MAP3K2: variants seen among roughly 807,000 people sequenced by gnomAD.
MAP3K2 encodes the protein mitogen-activated protein kinase kinase kinase 2, also known as MAP/ERK kinase kinase 2.
MAP3K2 carries 24 observed loss-of-function variants against 80.3 expected under a neutral mutation model. The observed-to-expected ratio is 0.30, with a 90% CI of 0.22 to 0.42. The LOEUF (loss-of-function observed/expected upper bound fraction) is 0.42, where lower values mean the gene tolerates loss of function less well. Ranked by LOEUF, MAP3K2 falls within the 10% of genes least tolerant of loss-of-function variation. The pLI, the probability that MAP3K2 is intolerant of heterozygous loss-of-function variation, is 1.00. For synonymous variants in MAP3K2, 244 were observed against 253.7 expected (o/e 0.96, Z 0.36); for missense variants, 608 against 750.1 (o/e 0.81, Z 2.21).
rs1341757463 is a variant in MAP3K2, at chr2:127,310,701, T to C, written c.1457-1939A>G. Among the ~76,000 whole-genome samples the C allele has an allele frequency of 6.6e-6, 1 of 152,084 alleles. No homozygotes were observed. Among genetic ancestry groups the C allele is most frequent in the African/African-American group, 2.4e-5 (1 of 41,408 alleles). On this transcript the variant is annotated intron_variant, in intron 15 of 16. Coordinates refer to ENST00000682094, the MANE Select transcript of MAP3K2 (RefSeq NM_001371910.2). The surrounding 1 kb of genome is among the most constrained non-coding windows in gnomAD (Gnocchi z 4.8). ...CTTGGGCACTAGGCTCACTTGTTTT[T>C]TATTCTCTATTTTCACTCTTATCAT...
At chr2:127,326,923 G>T in intron 7 of MAP3K2, 106 bp from the exon 8 acceptor site, 3 of 671,250 alleles carry the variant, frequency 4.5e-6, no homozygotes, top group East Asian at 3.0e-5. Context: ...TTCAGCAAAA[G>T]AAAATTCAAT....
chr2:127,351,623 C>T (rs1573997799), intron 1 of MAP3K2, among the ~76,000 whole-genome samples: 1 of 152,068 alleles, frequency 6.6e-6, no homozygotes, highest in Non-Finnish European at 1.5e-5. Flanking sequence ...TTCACTACTC[C>T]AAGCCATAAT....
At chr2:127,336,819 T>C (rs980082002) in intron 4 of MAP3K2, among the ~76,000 whole-genome samples, 2 of 152,248 alleles carry the variant, frequency 1.3e-5, no homozygotes, top group Admixed American at 1.3e-4. Flanking sequence ...ACTACATTAA[T>C]TTCATGAGAC....
At chr2:127,373,621 G>A (rs933900878) in intron 1 of MAP3K2, among the ~76,000 whole-genome samples, 5 of 152,236 alleles carry the variant, frequency 3.3e-5, no homozygotes, top group African/African-American at 7.2e-5. Context: ...CAATTAGATC[G>A]CACAGATCCA....
At chr2:127,354,834 A>G (rs745576245) in intron 1 of MAP3K2, among the ~76,000 whole-genome samples, 3 of 152,178 alleles carry the variant, frequency 2.0e-5, no homozygotes, top group Non-Finnish European at 1.5e-5. Context: ...GCTATATTCC[A>G]TATGTTCAAG....
In MAP3K2 at chr2:127,307,352, T is replaced by C. The variant is rs1190061290; in HGVS notation, c.*227A>G. On this transcript the variant is annotated 3_prime_UTR_variant, in exon 17 of 17. Transcript: ENST00000682094. The surrounding 1 kb of genome is among the most constrained non-coding windows in gnomAD (Gnocchi z 5.4). ...AACCACATCAGTACATTATAAAAATTAAAAAAAAAAACTTCAAGTTCTTGT... is the reference window on the plus strand; with the variant it reads ...AACCACATCAGTACATTATAAAAATCAAAAAAAAAAACTTCAAGTTCTTGT... 5 of 268,062 alleles carry C rather than the reference T, an allele frequency of 1.9e-5. No homozygotes were observed. The highest frequency in any genetic ancestry group is 3.4e-5 in the Non-Finnish European group (5 of 146,580). 16.6% of individuals were successfully genotyped at this position (268,062 alleles called of 1,614,324 possible).
At chr2:127,333,457 A>G (rs1444154333) in intron 5 of MAP3K2, among the ~76,000 whole-genome samples, 1 of 152,204 alleles carries the variant, frequency 6.6e-6, no homozygotes, top group Non-Finnish European at 1.5e-5. Context: ...CACTAGAAAA[A>G]TATTTATAGA....
At chr2:127,348,585 G>C (rs879108561) in intron 1 of MAP3K2, among the ~76,000 whole-genome samples, 18 of 152,122 alleles carry the variant, frequency 1.2e-4, no homozygotes, top group Non-Finnish European at 2.6e-4. Context: ...TAAAGCCAGG[G>C]TATGGGAAAT....
intron 14 of MAP3K2, among the ~76,000 whole-genome samples, chr2:127,315,491 G>A (rs1685883296): frequency 6.6e-6 from 1 of 152,194 alleles, no homozygotes; most frequent in African/African-American, 2.4e-5. Flanking sequence ...CTGTTTATGA[G>A]CCATCCTTGG....
chr2:127,325,270 A>G (rs991504612), intron 9 of MAP3K2, among the ~76,000 whole-genome samples: 2 of 152,246 alleles, frequency 1.3e-5, no homozygotes, highest in African/African-American at 2.4e-5. Flanking sequence ...GCAAAAATTC[A>G]TCTGCCGTCA....
In MAP3K2 at chr2:127,302,912, T is replaced by C. The variant is rs1236966119; in HGVS notation, c.*4667A>G. On this transcript the variant is annotated 3_prime_UTR_variant, in exon 17 of 17. Transcript: ENST00000682094. The stretch of plus-strand genomic sequence containing the variant: ...TTTATTTATTTTTTTAAAAAGGAGG[T>C]AGAAAAGGGTAGGAGGAGGCAGGCA... The C allele has an allele frequency of 1.3e-5, 2 of 151,416 alleles. No individual in the cohort carries two copies. The highest frequency in any genetic ancestry group is 2.1e-4 in the South Asian group (1 of 4,806). 9.4% of individuals were successfully genotyped at this position (151,416 alleles called of 1,614,324 possible).
chr2:127,350,585 TAGAA>T (rs1413942711), intron 1 of MAP3K2, among the ~76,000 whole-genome samples: 8 of 151,760 alleles, frequency 5.3e-5, no homozygotes, highest in African/African-American at 1.7e-4. Context: ...GTAATAAAAT[TAGAA>T]AGACCACCAT....
chr2:127,384,221 T>TATATATATATATAC (rs1212183777), intron 1 of MAP3K2, among the ~76,000 whole-genome samples: 5 of 150,182 alleles, frequency 3.3e-5, no homozygotes, highest in African/African-American at 9.8e-5. Flanking sequence ...TTGATATATA[T>TATATATATATATAC]ATATATATAT....
At chr2:127,327,183 T>A (rs1040255095) in intron 7 of MAP3K2, among the ~76,000 whole-genome samples, 1 of 152,204 alleles carries the variant, frequency 6.6e-6, no homozygotes, top group East Asian at 1.9e-4. Context: ...TCTGTGGAAA[T>A]GATGCTATAT....
chr2:127,301,759 A>G lies in MAP3K2; in HGVS notation c.*5820T>C, dbSNP rs1215690922. The G allele has an allele frequency of 2.0e-5, 3 of 152,222 alleles. No individual in the cohort carries two copies. Among genetic ancestry groups the G allele is most frequent in the Non-Finnish European group, 4.4e-5 (3 of 68,028 alleles). The allele number at this position is 152,222 out of a possible 1,614,324, so 9.4% of individuals were successfully genotyped here. On this transcript the variant is annotated 3_prime_UTR_variant, in exon 17 of 17. Coordinates refer to ENST00000682094, the MANE Select transcript of MAP3K2 (RefSeq NM_001371910.2). Reference sequence around the variant, plus strand: ...TGTATACAGGCAACAGATAAAATCTATTCTTTTCTTTACTGTAGCTATGAC... The same window carrying G: ...TGTATACAGGCAACAGATAAAATCTGTTCTTTTCTTTACTGTAGCTATGAC...
Position 127,339,218 on chromosome 2 carries a change from T to C in MAP3K2, c.5-168A>G, listed in dbSNP as rs911394664. ...TGCCTACACTTTTGGTAAAATAAAA[T>C]TGCACTAGACTTAATCTCTAGCATC... On this transcript the variant is annotated intron_variant, in intron 2 of 16. Transcript: ENST00000682094. This position sits in a 1 kb window ranked among gnomAD's most constrained non-coding sequence, Gnocchi z 4.2. Among the ~76,000 whole-genome samples the C allele has an allele frequency of 6.6e-6, 1 of 152,182 alleles. No individual in the cohort carries two copies. Among genetic ancestry groups the C allele is most frequent in the East Asian group, 1.9e-4 (1 of 5,200 alleles).
intron 1 of MAP3K2, among the ~76,000 whole-genome samples, chr2:127,362,424 A>G (rs1278196240): frequency 6.6e-6 from 1 of 152,280 alleles, no homozygotes; most frequent in East Asian, 1.9e-4. Context: ...ATACACACTT[A>G]GGGGTTTCCC....
intron 1 of MAP3K2, among the ~76,000 whole-genome samples, chr2:127,375,264 G>A (rs1177158180): frequency 2.0e-5 from 3 of 152,020 alleles, no homozygotes; most frequent in South Asian, 2.1e-4. Flanking sequence ...CCATAGCCCC[G>A]AACAATGTGG....
intron 1 of MAP3K2, among the ~76,000 whole-genome samples, chr2:127,373,157 TATCATGTAA>T (rs761984471): frequency 5.3e-5 from 8 of 152,232 alleles, no homozygotes; most frequent in Non-Finnish European, 1.0e-4. Context: ...CATGTGTCAG[TATCATGTAA>T]ATCAGGCTTT....
Sources: allele counts gnomAD v4.1 joint callset (sites outside exome capture counted in the v4.1 genomes callset), GRCh38; gene constraint gnomAD v4.1.1; non-coding constraint Gnocchi (gnomAD v3.1); transcripts MANE v1.5; gene names NCBI Gene and HGNC (gene_info 2026-07-23, HGNC 2026-07-21).